RBMS3: variants seen among roughly 807,000 people sequenced by gnomAD.
The protein encoded by RBMS3 is RNA-binding motif, single-stranded-interacting protein 3.
In RBMS3, 27 loss-of-function variants were observed where a neutral mutation model predicts 66.8. That is an observed-to-expected ratio of 0.40 (90% CI 0.30 to 0.56). The LOEUF is 0.56. RBMS3 is among the 20% of genes least tolerant of loss of function. The pLI, the probability that RBMS3 is intolerant of heterozygous loss-of-function variation, is 0.40. For missense variants in RBMS3, 513 were observed against 549.5 expected, an observed-to-expected ratio of 0.93 and a Z score of 0.66; for synonymous variants, 188 against 183.0, an observed-to-expected ratio of 1.03 and a Z score of -0.22.
intron 6 of RBMS3, among the ~76,000 whole-genome samples, chr3:29,795,291 G>A (rs146307420): frequency 6.6e-6 from 1 of 152,276 alleles, no homozygotes; most frequent in East Asian, 1.9e-4. Context: ...GTAACCCTGG[G>A]AAATTCGTGC....
At chr3:29,390,095 T>C (rs1389826673) in intron 1 of RBMS3, among the ~76,000 whole-genome samples, 1 of 152,202 alleles carries the variant, frequency 6.6e-6, no homozygotes, top group African/African-American at 2.4e-5. Flanking sequence ...ATACCACTCC[T>C]GTGAAAAACA....
intron 1 of RBMS3, among the ~76,000 whole-genome samples, chr3:29,412,911 A>T (rs996547851): frequency 6.6e-6 from 1 of 152,224 alleles, no homozygotes; most frequent in African/African-American, 2.4e-5. Context: ...GGAGGAAGGC[A>T]TTTTATATAG....
intron 3 of RBMS3, among the ~76,000 whole-genome samples, chr3:29,512,042 C>A (rs1482111069): frequency 6.6e-6 from 1 of 151,996 alleles, no homozygotes; most frequent in Non-Finnish European, 1.5e-5. Context: ...GTTTCAGAAA[C>A]ACTAGGTGTT....
chr3:29,482,730 C>T (rs1439596941), intron 2 of RBMS3, among the ~76,000 whole-genome samples: 9 of 48,058 alleles, frequency 1.9e-4, no homozygotes, highest in Admixed American at 1.8e-3. Context: ...TTTTTTGAGA[C>T]GGAGTGTCGC....
intron 1 of RBMS3, among the ~76,000 whole-genome samples, chr3:29,363,245 C>T (rs760288781): frequency 1.8e-4 from 27 of 152,102 alleles, no homozygotes; most frequent in Non-Finnish European, 3.1e-4. Context: ...TGCATTTGGG[C>T]AGAAATATGC....
intron 12 of RBMS3, among the ~76,000 whole-genome samples, chr3:29,983,762 G>T (rs1054098424): frequency 6.6e-6 from 1 of 152,112 alleles, no homozygotes; most frequent in South Asian, 2.1e-4. Flanking sequence ...GGCTTGTAGG[G>T]TTTCTTCAGA....
chr3:29,694,475 TA>T, intron 4 of RBMS3, among the ~76,000 whole-genome samples: 1 of 152,282 alleles, frequency 6.6e-6, no homozygotes, highest in Non-Finnish European at 1.5e-5. Context: ...CTCTTATTCC[TA>T]AAAAAAGTTA....
At chr3:29,651,832 A>G (rs141159323) in intron 4 of RBMS3, among the ~76,000 whole-genome samples, 18 of 152,322 alleles carry the variant, frequency 1.2e-4, no homozygotes, top group Admixed American at 1.2e-3. Context: ...ACTCAGCCAT[A>G]CATACAAGTT....
intron 6 of RBMS3, chr3:29,797,962 T>C (rs2057255181): frequency 6.6e-6 from 1 of 152,034 alleles, no homozygotes; most frequent in Non-Finnish European, 1.5e-5. Context: ...GAGGTCATTG[T>C]AGGGTTGTTA....
At chr3:29,821,485 T>G (rs2058074404) in intron 6 of RBMS3, among the ~76,000 whole-genome samples, 1 of 152,104 alleles carries the variant, frequency 6.6e-6, no homozygotes, top group Admixed American at 6.6e-5. Context: ...TAATACTGAG[T>G]TATACAAGCA....
At chr3:29,902,769 G>A (rs1255025153) in intron 10 of RBMS3, among the ~76,000 whole-genome samples, 4 of 151,876 alleles carry the variant, frequency 2.6e-5, no homozygotes, top group Admixed American at 1.3e-4. Flanking sequence ...ATCACCAAGC[G>A]TGTACACTGA....
rs78053378 is a variant in RBMS3, at chr3:29,335,327, C to T, written c.75+53571C>T. ...CTCACTTCATCACAGAAGAGAATTG[C>T]CTGGTATGTGCCCATATAATGCCTG... is the stretch of plus-strand genomic sequence containing the variant. On this transcript the variant is annotated intron_variant, in intron 1 of 14. Coordinates refer to ENST00000383767, the MANE Select transcript of RBMS3 (RefSeq NM_001003793.3). Among the ~76,000 whole-genome samples the T allele has an allele frequency of 2.4e-3, 365 of 152,158 alleles. 3 individuals carry two copies. Among genetic ancestry groups the T allele is most frequent in the African/African-American group, 8.3e-3 (345 of 41,520 alleles).
At chr3:29,766,958 A>G (rs1405310849) in intron 6 of RBMS3, 4 of 151,982 alleles carry the variant, frequency 2.6e-5, no homozygotes, top group African/African-American at 7.2e-5. Flanking sequence ...TAAATGTTGC[A>G]TGTCCTACAT....
intron 14 of RBMS3, among the ~76,000 whole-genome samples, chr3:30,002,865 T>C (rs1699672849): frequency 6.6e-6 from 1 of 151,946 alleles, no homozygotes; most frequent in African/African-American, 2.4e-5. Flanking sequence ...GCAGGGTACA[T>C]ACCTTGGGGA....
chr3:29,962,710 TC>T (rs1696566676), intron 12 of RBMS3, among the ~76,000 whole-genome samples: 1 of 152,026 alleles, frequency 6.6e-6, no homozygotes, highest in Non-Finnish European at 1.5e-5. Context: ...ATATTAAGAC[TC>T]TTTTCATAAC....
chr3:29,516,182 G>T (rs2044611557), intron 3 of RBMS3, among the ~76,000 whole-genome samples: 1 of 152,178 alleles, frequency 6.6e-6, no homozygotes, highest in Admixed American at 6.5e-5. Context: ...CATCTGTGAT[G>T]ATCGTTTTAG....
chr3:29,952,203 G>A (rs189196929), intron 12 of RBMS3, among the ~76,000 whole-genome samples: 12 of 151,838 alleles, frequency 7.9e-5, no homozygotes, highest in Admixed American at 2.0e-4. Context: ...ACATCTCAAC[G>A]TTATGGCATT....
At chr3:29,928,211 TACACACACACACACACACACACAC>T (rs1175604100) in intron 10 of RBMS3, among the ~76,000 whole-genome samples, 5 of 93,502 alleles carry the variant, frequency 5.3e-5, no homozygotes, top group African/African-American at 1.7e-4. Context: ...TATATATATA[TACACACACACACACACACACACAC>T]ATATATATGT....
intron 4 of RBMS3, among the ~76,000 whole-genome samples, chr3:29,648,285 T>TTTTTTTTTTTTTTTTTTTTTTTGG (rs2050017441): frequency 6.9e-6 from 1 of 145,100 alleles, no homozygotes; most frequent in Non-Finnish European, 1.5e-5. Flanking sequence ...TTTTTTTTTT[T>TTTTTTTTTTTTTTTTTTTTTTTGG]GCGACAGGGT....
Sources: gnomAD v4.1 joint callset for allele counts (sites outside exome capture counted in the v4.1 genomes callset) on GRCh38, gnomAD v4.1.1 for gene constraint, MANE v1.5 for transcripts, NCBI Gene and HGNC (gene_info 2026-07-23, HGNC 2026-07-21) for gene names.